KNTC1: variants seen among roughly 807,000 people sequenced by gnomAD.
KNTC1 encodes the protein kinetochore associated 1.
In KNTC1, 253 loss-of-function variants were observed where a neutral mutation model predicts 314.4. The ratio of observed to expected loss-of-function variants is 0.80; its 90% confidence interval spans 0.73 to 0.89. The LOEUF (loss-of-function observed/expected upper bound fraction) is 0.89, where lower values mean the gene tolerates loss of function less well. KNTC1 is among the 40% of genes least tolerant of loss of function. The pLI, the probability that KNTC1 is intolerant of heterozygous loss-of-function variation, is 0.00. For synonymous variants in KNTC1, 901 were observed against 901.4 expected, an observed-to-expected ratio of 1.00 and a Z score of 0.01; for missense variants, 2,475 against 2,572.9, an observed-to-expected ratio of 0.96 and a Z score of 0.82.
chr12:122,613,255 T>C lies in KNTC1; in HGVS notation c.5741+25T>C, dbSNP rs369463347. ...AGTAAGTAGAAATGTTTAAATTGTA[T>C]TAAGAAATAGGAAACAGATCATTTT... On this transcript the variant is annotated intron_variant, in intron 54 of 63. Coordinates refer to ENST00000333479, the MANE Select transcript of KNTC1 (RefSeq NM_014708.6). The C allele has an allele frequency of 2.1e-6, 3 of 1,419,366 alleles. No homozygotes were observed. In the African/African-American group the frequency reaches 4.3e-5, roughly 20 times the overall value. 87.9% of individuals were successfully genotyped at this position (1,419,366 alleles called of 1,614,324 possible).
intron 30 of KNTC1, 75 bp downstream of exon 30, chr12:122,577,104 G>A (rs891384218): frequency 1.7e-6 from 2 of 1,201,566 alleles, no homozygotes; most frequent in African/African-American, 1.6e-5. Context: ...TTGAGACAGG[G>A]TCTCGCTCCA....
At chr12:122,571,190 A>T (rs1964659091) in intron 24 of KNTC1, 64 bp downstream of exon 24, 1 of 1,229,858 alleles carries the variant, frequency 8.1e-7, no homozygotes, top group East Asian at 2.3e-5. Context: ...GTTTGTCTGC[A>T]TGTATGTGAA....
chr12:122,609,912 G>A (rs1382979266), intron 52 of KNTC1, among the ~76,000 whole-genome samples: 1 of 152,178 alleles, frequency 6.6e-6, no homozygotes, highest in East Asian at 1.9e-4. Flanking sequence ...AAGTCAGAAC[G>A]AATGTGGCAA....
chr12:122,550,537 C>G (rs371890974), intron 13 of KNTC1, among the ~76,000 whole-genome samples: 1 of 151,976 alleles, frequency 6.6e-6, no homozygotes, highest in Non-Finnish European at 1.5e-5. Flanking sequence ...GGGTCTTGCT[C>G]TGTTGCCCAA....
rs199552454 is a variant in KNTC1, at chr12:122,604,533, CTTTATTTA to C, written c.5102-11_5102-4del. On this transcript the variant is annotated intron_variant, in intron 48 of 63. Transcript: ENST00000333479. The stretch of plus-strand genomic sequence containing the variant: ...AAAAGATTAAGATTTGCCTGTAAAT[CTTTATTTA>C]TTTATTTATTTATTTATTTTAGGTT... 1.6e-4 allele frequency: 190 copies of C among 1,174,652 alleles called. 1 individual carries two copies. The highest frequency in any genetic ancestry group is 6.6e-4 in the South Asian group (45 of 67,878). The allele number at this position is 1,174,652 out of a possible 1,614,324, so 72.8% of individuals were successfully genotyped here.
chr12:122,614,707 C>T (rs1037816524), intron 55 of KNTC1, among the ~76,000 whole-genome samples: 1 of 151,780 alleles, frequency 6.6e-6, no homozygotes, highest in Non-Finnish European at 1.5e-5. Context: ...ATGGTGAAAC[C>T]CCGTCTCTAC....
chr12:122,601,061 A>G (rs182801363), intron 44 of KNTC1, among the ~76,000 whole-genome samples: 16 of 151,966 alleles, frequency 1.1e-4, no homozygotes, highest in African/African-American at 3.9e-4. Context: ...AGGTGAGAAA[A>G]TTGTAGCTCT....
intron 16 of KNTC1, among the ~76,000 whole-genome samples, chr12:122,555,387 A>G (rs1054465982): frequency 5.3e-5 from 8 of 152,156 alleles, no homozygotes; most frequent in Admixed American, 5.2e-4. Context: ...CGCTGTCTGT[A>G]CTAAAAATAC....
chr12:122,610,177 C>G (rs1277984892), intron 52 of KNTC1, among the ~76,000 whole-genome samples: 2 of 152,204 alleles, frequency 1.3e-5, no homozygotes, highest in Non-Finnish European at 2.9e-5. Context: ...GGACCCGCAC[C>G]TTGGCCTCAT....
Position 122,604,607 on chromosome 12 carries a change from T to C in KNTC1, c.5145T>C (p.Ala1715=). 8 of 1,596,320 alleles carry C rather than the reference T, an allele frequency of 5.0e-6. No homozygotes were observed. Among genetic ancestry groups the C allele is most frequent in the Non-Finnish European group, 6.9e-6 (8 of 1,164,590 alleles). ...ISALKFCLYL[A]ERWLQNIPSQ... Reference sequence around the variant, plus strand: ...CTTTGAAATTCTGCCTTTATTTAGCTGAGAGATGGCTACAGAATATCCCAT... The same window carrying C: ...CTTTGAAATTCTGCCTTTATTTAGCCGAGAGATGGCTACAGAATATCCCAT... The change falls in exon 49 of 64, where the codon GCT becomes GCC. Residue 1715 remains alanine, a synonymous_variant. Transcript: ENST00000333479.
chr12:122,535,361 T>A (rs1180250901), intron 3 of KNTC1, among the ~76,000 whole-genome samples: 1 of 152,036 alleles, frequency 6.6e-6, no homozygotes, highest in Non-Finnish European at 1.5e-5. Flanking sequence ...CCATTTCTAC[T>A]AAAAATACAA....
intron 2 of KNTC1, among the ~76,000 whole-genome samples, chr12:122,533,097 G>T (rs963461075): frequency 1.3e-5 from 2 of 151,166 alleles, no homozygotes; most frequent in African/African-American, 4.8e-5. Flanking sequence ...TTAAGAAGGA[G>T]AACAGTCTAG....
intron 36 of KNTC1, 108 bp downstream of exon 36, chr12:122,585,098 C>G (rs1452280513): frequency 1.5e-6 from 1 of 665,292 alleles, no homozygotes; most frequent in Admixed American, 2.6e-5. Context: ...AGTGCAGTGG[C>G]ATGATCAAGG....
At chr12:122,589,981 C>T (rs975163262) in intron 40 of KNTC1, among the ~76,000 whole-genome samples, 1 of 151,814 alleles carries the variant, frequency 6.6e-6, no homozygotes, top group African/African-American at 2.4e-5. Flanking sequence ...GACCGGGTTT[C>T]ACTGTGTTAG....
intron 33 of KNTC1, among the ~76,000 whole-genome samples, chr12:122,582,295 G>C (rs1171857926): frequency 6.6e-6 from 1 of 152,148 alleles, no homozygotes; most frequent in Non-Finnish European, 1.5e-5. Context: ...ATGCGTGCCT[G>C]CAGTCCCAGC....
intron 47 of KNTC1, 48 bp downstream of exon 47, chr12:122,602,935 T>G: frequency 6.4e-7 from 1 of 1,551,830 alleles, no homozygotes; most frequent in Non-Finnish European, 8.9e-7. Flanking sequence ...TGCAATTAAT[T>G]CTGACCCCGT....
intron 3 of KNTC1, among the ~76,000 whole-genome samples, chr12:122,535,910 G>A (rs1961774653): frequency 7.3e-6 from 1 of 137,600 alleles, no homozygotes; most frequent in East Asian, 2.3e-4. Context: ...TTTTTTTTGA[G>A]ATGGAGTCTC....
rs1028641615 is a variant in KNTC1, at chr12:122,587,628, G to C, written c.3731-83G>C. On this transcript the variant is annotated intron_variant, in intron 38 of 63. Coordinates refer to ENST00000333479, the MANE Select transcript of KNTC1 (RefSeq NM_014708.6). ...ACTATTATCTGTATTGAAGAAGCAG[G>C]CTGTCCCTGAAAACAGTTTTCAATA... 8 of 1,079,502 alleles carry C rather than the reference G, an allele frequency of 7.4e-6. No homozygotes were observed. The African/African-American group carries it at 1.3e-4, about 17-fold the overall frequency. The allele number at this position is 1,079,502 out of a possible 1,614,324, so 66.9% of individuals were successfully genotyped here.
chr12:122,558,403 T>G (rs1963746583), intron 18 of KNTC1, among the ~76,000 whole-genome samples: 1 of 151,528 alleles, frequency 6.6e-6, no homozygotes, highest in African/African-American at 2.4e-5. Flanking sequence ...AATACAAAAA[T>G]TAGCCGGGTG....
Sources: gnomAD v4.1 joint callset for allele counts (sites outside exome capture counted in the v4.1 genomes callset) on GRCh38, gnomAD v4.1.1 for gene constraint, MANE v1.5 for transcripts, NCBI Gene and HGNC (gene_info 2026-07-23, HGNC 2026-07-21) for gene names.